The following C11orf21 variants were observed in gnomAD, a reference collection of about 807,000 sequenced individuals.
C11orf21 encodes uncharacterized protein C11orf21.
C11orf21 carries 19 observed loss-of-function variants against 15.2 expected under a neutral mutation model. The observed-to-expected ratio is 1.25, with a 90% CI of 0.87 to 1.84. C11orf21 has a LOEUF of 1.84. Among genes scored for constraint, C11orf21 ranks in the 40% most tolerant of loss-of-function variants. C11orf21 has a pLI of 0.00. For synonymous variants in C11orf21, 62 were observed against 66.8 expected, an observed-to-expected ratio of 0.93 and a Z score of 0.35; for missense variants, 171 against 174.4, an observed-to-expected ratio of 0.98 and a Z score of 0.11.
At position 2,301,817 on chromosome 11, in the gene C11orf21, C is replaced by G. The variant is rs1344898698; in HGVS notation, c.-9G>C. ...CACCAGGTCCTGCCCATGACTTTCC[C>G]CCTCTCAGCGCCGTCCTCAGTGGCC... On this transcript the variant is annotated 5_prime_UTR_variant, in exon 1 of 4. Coordinates refer to ENST00000381153, the MANE Select transcript of C11orf21 (RefSeq NM_001329958.2). 6.4e-7 allele frequency: 1 copy of G among 1,550,904 alleles called. No individual in the cohort carries two copies. The highest frequency in any genetic ancestry group is 8.7e-7 in the Non-Finnish European group (1 of 1,146,942).
intron 2 of C11orf21, among the ~76,000 whole-genome samples, chr11:2,300,122 G>A: frequency 1.4e-5 from 1 of 73,190 alleles, no homozygotes; most frequent in Non-Finnish European, 2.8e-5. Flanking sequence ...GTGGGCAGGG[G>A]TGTGTGGGGT....
At chr11:2,302,607 G>A (rs1159247689), upstream of C11orf21, 2 of 568,228 alleles carry the variant, frequency 3.5e-6, no homozygotes, top group Non-Finnish European at 6.3e-6. Context: ...GGTGTCTGGG[G>A]AAGCTGGGCT....
upstream of C11orf21, chr11:2,302,073 G>T: frequency 1.3e-6 from 2 of 1,490,580 alleles, no homozygotes; most frequent in South Asian, 1.4e-5. Flanking sequence ...GCAGTGAGCT[G>T]CGGTCTGAGG....
chr11:2,298,233 T>A (rs1258559986), intron 3 of C11orf21, among the ~76,000 whole-genome samples: 2 of 152,234 alleles, frequency 1.3e-5, no homozygotes, highest in African/African-American at 4.8e-5. Context: ...CCTGCACCTG[T>A]CCCAGAGAGA....
intron 1 of C11orf21, 157 bp downstream of exon 1, chr11:2,301,599 C>A (rs11022157): frequency 0.29 from 182,967 of 631,506 alleles, 29,131 homozygotes; most frequent in Non-Finnish European, 0.34. Flanking sequence ...AAACCAACGA[C>A]CTTCTCAAAA....
At chr11:2,301,356 C>A in intron 1 of C11orf21, 2 of 189,724 alleles carry the variant, frequency 1.1e-5, no homozygotes, top group Non-Finnish European at 2.2e-5. Context: ...ACATTTTCAC[C>A]CTCTTCAGGC....
Position 2,301,836 on chromosome 11 carries a change from A to C in C11orf21, c.-28T>G. The stretch of plus-strand genomic sequence containing the variant: ...CTTTCCCCCTCTCAGCGCCGTCCTC[A>C]GTGGCCACACCAAGAACGAGGCCAT... On this transcript the variant is annotated 5_prime_UTR_variant, in exon 1 of 4. Transcript: ENST00000381153. The C allele has an allele frequency of 6.4e-7, 1 of 1,550,676 alleles. No homozygotes were observed. The highest frequency in any genetic ancestry group is 8.7e-7 in the Non-Finnish European group (1 of 1,146,940).
rs1847752432 is a variant in C11orf21 at position 2,301,644 on chromosome 11, C to T, written c.53+112G>A. 6 of 909,790 alleles carry T rather than the reference C, an allele frequency of 6.6e-6. No individual in the cohort carries two copies. The East Asian group carries it at 1.6e-4, about 24-fold the overall frequency. 56.4% of individuals were successfully genotyped at this position (909,790 alleles called of 1,614,324 possible). On this transcript the variant is annotated intron_variant, in intron 1 of 3. Transcript: ENST00000381153. Reference sequence around the variant, plus strand: ...TCACAGGACATTTCAAAGGGTGTTTCCTAAGAACACCTCAATAATGATGTT... The same window carrying T: ...TCACAGGACATTTCAAAGGGTGTTTTCTAAGAACACCTCAATAATGATGTT...
At position 2,301,890 on chromosome 11, in the gene C11orf21, G is replaced by T; in HGVS notation, c.-82C>A. 6.5e-7 allele frequency: 1 copy of T among 1,546,684 alleles called. No individual in the cohort carries two copies. The stretch of plus-strand genomic sequence containing the variant: ...TTCCTGGGAAGGGCCTCAGATGTCA[G>T]CAAATGCCCTGGTGTCTTGGGCTGG... On this transcript the variant is annotated 5_prime_UTR_variant, in exon 1 of 4. It adds an upstream start codon to the 5' untranslated region. Coordinates refer to ENST00000381153, the MANE Select transcript of C11orf21 (RefSeq NM_001329958.2).
At chr11:2,299,394 C>T in intron 3 of C11orf21, 34 bp downstream of exon 3, 2 of 1,536,260 alleles carry the variant, frequency 1.3e-6, no homozygotes, top group South Asian at 2.4e-5. Flanking sequence ...GCACAGGGGC[C>T]CCCAGGCTCC....
chr11:2,300,821 G>A (rs1847706484), intron 1 of C11orf21: 7 of 1,530,144 alleles, frequency 4.6e-6, no homozygotes, highest in East Asian at 2.4e-5. Context: ...TGGAGAGGAC[G>A]GGCTGCCCAC....
intron 1 of C11orf21, chr11:2,301,346 A>C: frequency 5.3e-6 from 1 of 187,600 alleles, no homozygotes; most frequent in Non-Finnish European, 1.1e-5. Flanking sequence ...TTCACCTGGA[A>C]CATTTTCACC....
upstream of C11orf21, chr11:2,302,879 T>C: frequency 1.2e-6 from 2 of 1,613,630 alleles, no homozygotes; most frequent in Non-Finnish European, 1.7e-6. Flanking sequence ...TGGTGACTCT[T>C]ACCTACTTCG....
upstream of C11orf21, chr11:2,302,305 C>T (rs12792658): frequency 8.0e-7 from 1 of 1,249,870 alleles, no homozygotes; most frequent in Non-Finnish European, 1.0e-6. Context: ...TTATCCCTCC[C>T]CTGACACACA....
At chr11:2,301,102 AGAGG>A (rs1275064944) in intron 1 of C11orf21, 10 of 340,186 alleles carry the variant, frequency 2.9e-5, no homozygotes, top group African/African-American at 1.9e-4. Flanking sequence ...CTCCCTCCGC[AGAGG>A]GAGGGAGGCG....
At chr11:2,302,846 G>C, upstream of C11orf21, 2 of 1,613,146 alleles carry the variant, frequency 1.2e-6, no homozygotes, top group East Asian at 2.2e-5. Flanking sequence ...ATCCACAGCT[G>C]CTGGGCCTCT....
intron 3 of C11orf21, among the ~76,000 whole-genome samples, chr11:2,298,177 A>T (rs1235670831): frequency 2.6e-5 from 4 of 152,100 alleles, no homozygotes; most frequent in Admixed American, 1.3e-4. Context: ...CATATTCCTC[A>T]TGCTGCTCAA....
Position 2,299,662 on chromosome 11 carries a change from C to T in C11orf21, c.193G>A (p.Ala65Thr), listed in dbSNP as rs570819158. The T allele has an allele frequency of 9.7e-6, 15 of 1,551,082 alleles. No individual in the cohort carries two copies. Among genetic ancestry groups the T allele is most frequent in the Admixed American group, 3.9e-5 (2 of 50,966 alleles). ...GCAGGTGGAACAAGGGCACCATGGG[C>T]GGAGGGTTGGGCAGCTGCAGGTGGC... ...MMPPAAAQPS[A>T]HGALVPPATA... Residue 65 changes from alanine (A) to threonine (T), a missense_variant, in exon 3 of 4, where the codon GCC becomes ACC. Ala to Thr is a moderately conservative substitution (Grantham distance 58). Transcript: ENST00000381153.
At chr11:2,301,062 T>C (rs1026224924) in intron 1 of C11orf21, 13 of 409,060 alleles carry the variant, frequency 3.2e-5, no homozygotes, top group Non-Finnish European at 5.8e-5. Context: ...TGGACGGGGG[T>C]CCTGGTTGTC....
Sources: allele counts gnomAD v4.1 joint callset (sites outside exome capture counted in the v4.1 genomes callset), GRCh38; gene constraint gnomAD v4.1.1; transcripts MANE v1.5; gene names NCBI Gene and HGNC (gene_info 2026-07-23, HGNC 2026-07-21).